LRMDA: variants seen among roughly 807,000 people sequenced by gnomAD.
The protein encoded by LRMDA is leucine-rich melanocyte differentiation-associated protein.
In LRMDA, 18 loss-of-function variants were observed where a neutral mutation model predicts 29.8. That is an observed-to-expected ratio of 0.60 (90% CI 0.42 to 0.90). The LOEUF (loss-of-function observed/expected upper bound fraction) is 0.90. Ranked by LOEUF, LRMDA falls within the 40% of genes least tolerant of loss-of-function variation. The pLI is 0.00. For missense variants in LRMDA, 273 were observed against 273.9 expected (o/e 1.00, Z 0.02); for synonymous variants, 125 against 109.4 (o/e 1.14, Z -0.89).
At chr10:76,091,194 T>G (rs1041552803) in intron 5 of LRMDA, among the ~76,000 whole-genome samples, 4 of 152,138 alleles carry the variant, frequency 2.6e-5, no homozygotes, top group South Asian at 2.1e-4. Flanking sequence ...ACTCAATAAA[T>G]GTCAGCATCC....
chr10:75,675,182 A>C (rs966648754), intron 2 of LRMDA, among the ~76,000 whole-genome samples: 4 of 152,208 alleles, frequency 2.6e-5, no homozygotes, highest in African/African-American at 9.7e-5. Flanking sequence ...TGGCTGATAC[A>C]AAGGAAAGCA....
intron 2 of LRMDA, among the ~76,000 whole-genome samples, chr10:75,507,198 G>A (rs896815264): frequency 1.3e-4 from 19 of 151,406 alleles, no homozygotes; most frequent in African/African-American, 4.1e-4. Context: ...CCACTCCAGC[G>A]TACAACCAAC....
At chr10:75,934,261 A>G (rs1846250295) in intron 2 of LRMDA, among the ~76,000 whole-genome samples, 1 of 152,158 alleles carries the variant, frequency 6.6e-6, no homozygotes, top group African/African-American at 2.4e-5. Context: ...CTTTCCCCTG[A>G]GCCATTTCCT....
chr10:75,431,851 C>T, intron 1 of LRMDA, 97 bp downstream of exon 1: 1 of 1,165,236 alleles, frequency 8.6e-7, no homozygotes, highest in Non-Finnish European at 1.1e-6. Context: ...CACCCCTGTC[C>T]CCGCCTCAGG....
intron 2 of LRMDA, among the ~76,000 whole-genome samples, chr10:75,914,280 T>C (rs1434139657): frequency 6.6e-6 from 1 of 152,224 alleles, no homozygotes; most frequent in East Asian, 1.9e-4. Context: ...GCTGTTGAAA[T>C]GGCTAGTTTA....
chr10:76,109,482 C>G (rs1849540875), intron 5 of LRMDA, among the ~76,000 whole-genome samples: 1 of 152,168 alleles, frequency 6.6e-6, no homozygotes, highest in Non-Finnish European at 1.5e-5. Flanking sequence ...ATAGTCAGTG[C>G]TCCCTTACAA....
intron 2 of LRMDA, among the ~76,000 whole-genome samples, chr10:75,659,276 C>T (rs4258323): frequency 0.12 from 17,743 of 152,148 alleles, 2,425 homozygotes; most frequent in East Asian, 0.33. Context: ...AGTGTCTTTC[C>T]AGTTTTTGCT....
intron 2 of LRMDA, chr10:75,783,054 C>T (rs953883838): frequency 5.0e-6 from 8 of 1,613,214 alleles, no homozygotes; most frequent in Non-Finnish European, 5.9e-6. Flanking sequence ...ATCAAAGAGT[C>T]GGTCTTTTCT....
At chr10:75,915,012 T>G (rs947863397) in intron 2 of LRMDA, among the ~76,000 whole-genome samples, 3 of 152,054 alleles carry the variant, frequency 2.0e-5, no homozygotes, top group Admixed American at 1.3e-4. Context: ...GTTATCTGAC[T>G]GGATTAAGTT....
chr10:75,456,154 G>A (rs550932281), intron 2 of LRMDA, among the ~76,000 whole-genome samples: 1 of 152,196 alleles, frequency 6.6e-6, no homozygotes, highest in Non-Finnish European at 1.5e-5. Flanking sequence ...CAGGAGTTGC[G>A]GGGGAGACAA....
chr10:75,670,410 A>G (rs1434277506), intron 2 of LRMDA, among the ~76,000 whole-genome samples: 1 of 152,198 alleles, frequency 6.6e-6, no homozygotes, highest in African/African-American at 2.4e-5. Flanking sequence ...CTCTAAAAGT[A>G]AATAGAAAAA....
chr10:75,787,554 C>A (rs1056230047), intron 2 of LRMDA, among the ~76,000 whole-genome samples: 2 of 152,170 alleles, frequency 1.3e-5, no homozygotes, highest in Non-Finnish European at 1.5e-5. Context: ...CTCCTCCAGA[C>A]CCCCCGCCCT....
intron 2 of LRMDA, among the ~76,000 whole-genome samples, chr10:75,778,202 T>C (rs1843337189): frequency 6.6e-6 from 1 of 151,856 alleles, no homozygotes. Flanking sequence ...CTCAGCCCCC[T>C]GAGTAGGTGG....
At chr10:76,479,739 TA>T (rs1842717228) in intron 6 of LRMDA, among the ~76,000 whole-genome samples, 1 of 151,966 alleles carries the variant, frequency 6.6e-6, no homozygotes, top group South Asian at 2.1e-4. Context: ...TTCATGTACC[TA>T]AAAAGAGTAT....
chr10:76,099,286 T>G (rs1478423900), intron 5 of LRMDA, among the ~76,000 whole-genome samples: 1 of 152,226 alleles, frequency 6.6e-6, no homozygotes, highest in Admixed American at 6.5e-5. Context: ...TGCCCAGGAA[T>G]GAACAAGGAC....
chr10:75,716,460 A>G (rs1188127043), intron 2 of LRMDA, among the ~76,000 whole-genome samples: 3 of 152,240 alleles, frequency 2.0e-5, no homozygotes, highest in East Asian at 3.8e-4. Context: ...GAAAAATCTC[A>G]GAACAATGCT....
At chr10:76,160,880 C>G (rs939498368) in intron 5 of LRMDA, among the ~76,000 whole-genome samples, 1 of 152,066 alleles carries the variant, frequency 6.6e-6, no homozygotes, top group African/African-American at 2.4e-5. Flanking sequence ...GCCATCAGTT[C>G]TAGTTGAGGT....
intron 2 of LRMDA, among the ~76,000 whole-genome samples, chr10:75,889,950 G>T (rs537582272): frequency 2.0e-5 from 3 of 152,208 alleles, no homozygotes; most frequent in Non-Finnish European, 4.4e-5. Context: ...AAGGGTAGGT[G>T]GATTTTAGCT....
chr10:75,542,772 G>T (rs901775389), intron 2 of LRMDA, among the ~76,000 whole-genome samples: 3 of 152,314 alleles, frequency 2.0e-5, no homozygotes, highest in African/African-American at 7.2e-5. Flanking sequence ...TGTCATATGG[G>T]AGACACATGC....
Sources: gnomAD v4.1 joint callset for allele counts (sites outside exome capture counted in the v4.1 genomes callset) on GRCh38, gnomAD v4.1.1 for gene constraint, MANE v1.5 for transcripts, NCBI Gene and HGNC (gene_info 2026-07-23, HGNC 2026-07-21) for gene names.